The following ST18 variants were observed in gnomAD, a reference collection of about 807,000 sequenced individuals.
The protein encoded by ST18 is suppression of tumorigenicity 18 protein.
ST18 carries 50 observed loss-of-function variants against 110.0 expected under a neutral mutation model. That is an observed-to-expected ratio of 0.45 (90% CI 0.36 to 0.58). The LOEUF (loss-of-function observed/expected upper bound fraction) is 0.58. ST18 is among the 20% of genes least tolerant of loss of function. The probability of loss-of-function intolerance (pLI) is 0.00; values close to 1 mark genes in which losing one functional copy is unlikely to be tolerated. For missense variants in ST18, 1,306 were observed against 1,280.1 expected, an observed-to-expected ratio of 1.02 and a Z score of -0.31; for synonymous variants, 461 against 452.4, an observed-to-expected ratio of 1.02 and a Z score of -0.24.
At chr8:52,292,732 AT>A (rs1216667991) in intron 2 of ST18, among the ~76,000 whole-genome samples, 1 of 152,178 alleles carries the variant, frequency 6.6e-6, no homozygotes. Context: ...CAGATTTACA[AT>A]TGAGTGTTTT....
chr8:52,367,271 A>ACACACACACACACACACAC (rs760192022), intron 2 of ST18, among the ~76,000 whole-genome samples: 2 of 9,868 alleles, frequency 2.0e-4, no homozygotes, highest in Non-Finnish European at 7.2e-4. Context: ...CACACACACA[A>ACACACACACACACACACAC]AGATTTTACC....
intron 7 of ST18, among the ~76,000 whole-genome samples, chr8:52,212,949 T>C (rs188141121): frequency 2.4e-4 from 36 of 152,334 alleles, no homozygotes; most frequent in African/African-American, 7.7e-4. Context: ...ATACACACTC[T>C]AGCATGCTGA....
In ST18 at chr8:52,148,777, A is replaced by G. The variant is rs140127651; in HGVS notation, c.2052+955T>C. 8.1e-3 allele frequency among the ~76,000 whole-genome samples: 1,240 copies of G among 152,216 alleles called. 16 individuals carry two copies. Among genetic ancestry groups the G allele is most frequent in the African/African-American group, 0.028 (1,151 of 41,524 alleles). On this transcript the variant is annotated intron_variant, in intron 16 of 25. Transcript: ENST00000689386. ...GAAAAACAGCCCAATCTTGTGATCA[A>G]AACTGTGTACGTTGACTTATACTTT...
At chr8:52,200,679 AG>A (rs2077668781) in intron 8 of ST18, among the ~76,000 whole-genome samples, 1 of 152,168 alleles carries the variant, frequency 6.6e-6, no homozygotes, top group Non-Finnish European at 1.5e-5. Flanking sequence ...GCGATGGCTT[AG>A]GGGCCTAGTG....
chr8:52,241,293 T>C (rs889451464), intron 2 of ST18, among the ~76,000 whole-genome samples: 3 of 152,256 alleles, frequency 2.0e-5, no homozygotes, highest in Non-Finnish European at 4.4e-5. Flanking sequence ...ACTCCTTAAA[T>C]GCCTCTTCTA....
intron 2 of ST18, among the ~76,000 whole-genome samples, chr8:52,346,321 T>C (rs1167867223): frequency 1.3e-5 from 2 of 151,490 alleles, no homozygotes; most frequent in Non-Finnish European, 2.9e-5. Flanking sequence ...TTTTATATTA[T>C]GTAAAATAAA....
At chr8:52,126,257 C>T in intron 22 of ST18, 117 bp from the exon 23 acceptor site, 2 of 959,242 alleles carry the variant, frequency 2.1e-6, no homozygotes, top group Non-Finnish European at 3.1e-6. Flanking sequence ...TACATTATAA[C>T]CCACAGTCTC....
intron 2 of ST18, among the ~76,000 whole-genome samples, chr8:52,230,670 TA>T (rs112085129): frequency 0.23 from 35,686 of 152,014 alleles, 4,874 homozygotes; most frequent in African/African-American, 0.37. Flanking sequence ...GGATTTTTTT[TA>T]AAAAATCCTT....
intron 2 of ST18, among the ~76,000 whole-genome samples, chr8:52,382,119 C>T (rs1834808397): frequency 1.3e-5 from 2 of 152,148 alleles, no homozygotes; most frequent in Non-Finnish European, 1.5e-5. Context: ...TTCTTTCTCT[C>T]AAAGCCCAAA....
chr8:52,267,895 CT>C (rs1197249921), intron 2 of ST18, among the ~76,000 whole-genome samples: 2 of 152,294 alleles, frequency 1.3e-5, no homozygotes, highest in African/African-American at 4.8e-5. Context: ...CTCATTTCCA[CT>C]TTCATCTCAG....
At chr8:52,175,785 C>A (rs932364594) in intron 9 of ST18, among the ~76,000 whole-genome samples, 1 of 152,150 alleles carries the variant, frequency 6.6e-6, no homozygotes. Context: ...CATGCCCAGC[C>A]AGTGCAAGAC....
intron 8 of ST18, among the ~76,000 whole-genome samples, chr8:52,193,977 T>C (rs1007250164): frequency 3.3e-5 from 5 of 152,242 alleles, no homozygotes; most frequent in African/African-American, 1.2e-4. Context: ...GTTGGTTTGC[T>C]GTCATGGAAC....
At position 52,149,903 on chromosome 8, in the gene ST18, A is replaced by G; in HGVS notation, c.1881T>C (p.Ser627=). 6.2e-7 allele frequency: 1 copy of G among 1,614,184 alleles called. No homozygotes were observed. The highest frequency in any genetic ancestry group is 1.1e-5 in the South Asian group (1 of 91,090). Residue 627 remains serine, a synonymous_variant, in exon 16 of 26, where the codon TCT becomes TCC. Coordinates refer to ENST00000689386, the MANE Select transcript of ST18 (RefSeq NM_001352837.2). ...AAGTGTTAGAGGAAGTTAGGGGTGC[A>G]GACTTGTCCAGGATTCGATTTTTTT... ...SMKKNRILDK[S]APLTSSNTSI...
At chr8:52,244,477 A>G (rs1390949340) in intron 2 of ST18, among the ~76,000 whole-genome samples, 1 of 152,208 alleles carries the variant, frequency 6.6e-6, no homozygotes, top group Non-Finnish European at 1.5e-5. Flanking sequence ...GAATGAAATG[A>G]CAGAGCTATA....
chr8:52,362,262 T>C (rs1035165332), intron 2 of ST18, among the ~76,000 whole-genome samples: 1 of 152,222 alleles, frequency 6.6e-6, no homozygotes, highest in African/African-American at 2.4e-5. Flanking sequence ...TGCATAAATA[T>C]AAATAATGTA....
rs781069562 is a variant in ST18, at chr8:52,180,304, T to C, written c.95A>G (p.Tyr32Cys). ...DSLIQELSVA[Y>C]DCSMAKKRTA... Reference sequence around the variant, plus strand: ...TCTCTTCTTTGCCATGGAGCAATCATAGGCAACACTGTAGTGATTGAGGAA... The same window carrying C: ...TCTCTTCTTTGCCATGGAGCAATCACAGGCAACACTGTAGTGATTGAGGAA... Residue 32 changes from tyrosine (Y) to cysteine (C), a missense_variant, in exon 9 of 26, where the codon TAT becomes TGT. By Grantham distance (194) the Tyr-to-Cys change is radical (BLOSUM62 -2). Coordinates refer to ENST00000689386, the MANE Select transcript of ST18 (RefSeq NM_001352837.2). The C allele has an allele frequency of 4.3e-6, 7 of 1,614,164 alleles. No individual in the cohort carries two copies. Among genetic ancestry groups the C allele is most frequent in the South Asian group, 1.1e-5 (1 of 91,080 alleles).
At chr8:52,362,068 A>T (rs1590247960) in intron 2 of ST18, among the ~76,000 whole-genome samples, 1 of 152,250 alleles carries the variant, frequency 6.6e-6, no homozygotes, top group South Asian at 2.1e-4. Flanking sequence ...AATTTATCAA[A>T]AGAGGGGGTT....
chr8:52,187,028 T>C lies in ST18; in HGVS notation c.87-6716A>G, dbSNP rs57325618. Among the ~76,000 whole-genome samples, 318 of 152,286 alleles carry C rather than the reference T, an allele frequency of 2.1e-3. 2 individuals carry two copies. The highest frequency in any genetic ancestry group is 7.5e-3 in the African/African-American group (310 of 41,560). Reference sequence around the variant, plus strand: ...TGAATTTTTTGGATATGTTTTATACTTCAATAAGTTTACTTAAAAAAAAAA... The same window carrying C: ...TGAATTTTTTGGATATGTTTTATACCTCAATAAGTTTACTTAAAAAAAAAA... On this transcript the variant is annotated intron_variant, in intron 8 of 25. Coordinates refer to ENST00000689386, the MANE Select transcript of ST18 (RefSeq NM_001352837.2).
chr8:52,191,679 A>C (rs759485442), intron 8 of ST18, among the ~76,000 whole-genome samples: 17 of 152,214 alleles, frequency 1.1e-4, no homozygotes, highest in Admixed American at 2.0e-4. Flanking sequence ...CTTAAGGGTG[A>C]GTCTGAGAGG....
Sources: gnomAD v4.1 joint callset for allele counts (sites outside exome capture counted in the v4.1 genomes callset) on GRCh38, gnomAD v4.1.1 for gene constraint, MANE v1.5 for transcripts, NCBI Gene and HGNC (gene_info 2026-07-23, HGNC 2026-07-21) for gene names.